ZNF555: variants seen among roughly 807,000 people sequenced by gnomAD.
ZNF555 encodes the protein zinc finger protein 555.
A neutral mutation model predicts 14.0 loss-of-function variants in ZNF555; 10 were observed. The observed-to-expected ratio is 0.72, with a 90% CI of 0.44 to 1.21. ZNF555 has a LOEUF of 1.21. ZNF555 is among the 50% of genes most tolerant of loss of function. ZNF555 has a pLI of 0.00. For synonymous variants in ZNF555, 277 were observed against 262.4 expected, an observed-to-expected ratio of 1.06 and a Z score of -0.54; for missense variants, 747 against 762.0, an observed-to-expected ratio of 0.98 and a Z score of 0.23.
intron 1 of ZNF555, among the ~76,000 whole-genome samples, chr19:2,842,709 G>A (rs1035723081): frequency 6.6e-6 from 1 of 152,162 alleles, no homozygotes. Context: ...GCAGTTTTTA[G>A]GAAGTGAAAC....
chr19:2,846,741 A>G (rs1307536087), intron 1 of ZNF555, among the ~76,000 whole-genome samples: 3 of 152,212 alleles, frequency 2.0e-5, no homozygotes, highest in Non-Finnish European at 4.4e-5. Flanking sequence ...CTGTGTTCCA[A>G]GATCAAGTTG....
intron 1 of ZNF555, among the ~76,000 whole-genome samples, chr19:2,848,512 G>A (rs1314807992): frequency 5.6e-5 from 8 of 144,094 alleles, no homozygotes; most frequent in Non-Finnish European, 7.6e-5. Context: ...GCAGTGGCAC[G>A]ATCTTGGCTC....
chr19:2,845,257 G>T (rs1489436525), intron 1 of ZNF555, among the ~76,000 whole-genome samples: 1 of 152,202 alleles, frequency 6.6e-6, no homozygotes, highest in Non-Finnish European at 1.5e-5. Flanking sequence ...TGAGGATAAT[G>T]GCCTCCAGCT....
In ZNF555 at chr19:2,858,128, A is replaced by T. The variant is rs910565964; in HGVS notation, c.*4176A>T. The T allele has an allele frequency of 1.3e-5, 2 of 152,292 alleles. No individual in the cohort carries two copies. The highest frequency in any genetic ancestry group is 2.9e-5 in the Non-Finnish European group (2 of 68,188). The allele number at this position is 152,292 out of a possible 1,614,324, so 9.4% of individuals were successfully genotyped here. On this transcript the variant is annotated 3_prime_UTR_variant, in exon 4 of 4. Coordinates refer to ENST00000334241, the MANE Select transcript of ZNF555 (RefSeq NM_152791.5). ...TCACTTGAGGCCTTGAGGAGCCATG[A>T]TCGTGCCACTGCACTCCAGCTTGGG...
chr19:2,851,967 A>G (rs1339805774), intron 3 of ZNF555, among the ~76,000 whole-genome samples: 1 of 152,138 alleles, frequency 6.6e-6, no homozygotes, highest in Non-Finnish European at 1.5e-5. Flanking sequence ...CCTGGCCAAC[A>G]TGGTGAAACC....
intron 1 of ZNF555, 109 bp downstream of exon 1, chr19:2,841,684 G>T: frequency 4.5e-6 from 6 of 1,328,960 alleles, no homozygotes; most frequent in Non-Finnish European, 5.8e-6. Flanking sequence ...CCCCGGCGAG[G>T]GCGGCGCAGG....
Position 2,859,790 on chromosome 19 carries a change from G to A in ZNF555, c.*5838G>A, listed in dbSNP as rs1230815203. 6.6e-6 allele frequency: 1 copy of A among 152,310 alleles called. No homozygotes were observed. Among genetic ancestry groups the A allele is most frequent in the Non-Finnish European group, 1.5e-5 (1 of 68,058 alleles). 9.4% of individuals were successfully genotyped at this position (152,310 alleles called of 1,614,324 possible). A position where few individuals can be genotyped will look rare whatever the true frequency, so the allele number is the denominator to read the frequency against. On this transcript the variant is annotated 3_prime_UTR_variant, in exon 4 of 4. Transcript: ENST00000334241. ...CGGGGGATCTCCTCCTTCCACAAGG[G>A]ATGGATGTGAAGACAACTCATTCTT...
intron 1 of ZNF555, among the ~76,000 whole-genome samples, chr19:2,846,302 C>T (rs976976071): frequency 4.6e-5 from 7 of 152,196 alleles, no homozygotes; most frequent in Non-Finnish European, 8.8e-5. Context: ...AGCAGCCAAC[C>T]TGAATTCAGA....
intron 1 of ZNF555, among the ~76,000 whole-genome samples, chr19:2,842,201 C>T (rs955209894): frequency 6.6e-6 from 1 of 152,286 alleles, no homozygotes; most frequent in African/African-American, 2.4e-5. Flanking sequence ...GCAAAGGCAG[C>T]CCCTGGGGCG....
chr19:2,849,136 C>G (rs994244280), intron 1 of ZNF555, among the ~76,000 whole-genome samples: 5 of 152,160 alleles, frequency 3.3e-5, no homozygotes, highest in African/African-American at 1.2e-4. Flanking sequence ...TAGGACTGTT[C>G]TAGCATCAGA....
At chr19:2,846,168 G>T (rs1421646801) in intron 1 of ZNF555, among the ~76,000 whole-genome samples, 1 of 152,220 alleles carries the variant, frequency 6.6e-6, no homozygotes, top group Non-Finnish European at 1.5e-5. Context: ...AGTTTTGCAT[G>T]TCTGTGATAC....
At position 2,846,863 on chromosome 19, in the gene ZNF555, A is replaced by G. The variant is rs930622533; in HGVS notation, c.4-3724A>G. Among the ~76,000 whole-genome samples, 53 of 152,348 alleles carry G rather than the reference A, an allele frequency of 3.5e-4. 1 individual carries two copies. The highest frequency in any genetic ancestry group is 2.1e-4 in the South Asian group (1 of 4,828). On this transcript the variant is annotated intron_variant, in intron 1 of 3. Transcript: ENST00000334241. ...CCATCAACTCTTGAGGTTGTCAGAA[A>G]TAGGTTTTCATAAGAGCGCATTAAC... is the stretch of plus-strand genomic sequence containing the variant.
Position 2,858,174 on chromosome 19 carries a change from AAAAAAT to A in ZNF555, c.*4234_*4239del, listed in dbSNP as rs1220092851. On this transcript the variant is annotated 3_prime_UTR_variant, in exon 4 of 4. Transcript: ENST00000334241. The stretch of plus-strand genomic sequence containing the variant: ...TTGGGTGACAGAGCAAGACTGTCTC[AAAAAAT>A]AAAAATAAAAAAACAAGACTTCCCC... 2 of 152,372 alleles carry A rather than the reference AAAAAAT, an allele frequency of 1.3e-5. No individual in the cohort carries two copies. Among genetic ancestry groups the A allele is most frequent in the Admixed American group, 1.3e-4 (2 of 15,278 alleles). The allele number at this position is 152,372 out of a possible 1,614,324, so 9.4% of individuals were successfully genotyped here.
intron 1 of ZNF555, 46 bp from the exon 2 acceptor site, chr19:2,850,541 C>A: frequency 6.2e-7 from 1 of 1,602,104 alleles, no homozygotes; most frequent in Non-Finnish European, 8.5e-7. Flanking sequence ...TGCTCCTGGG[C>A]TCTCGGTCTC....
chr19:2,852,762 T>C lies in ZNF555; in HGVS notation c.697T>C (p.Cys233Arg), dbSNP rs770948790. Residue 233 changes from cysteine (C) to arginine (R), a missense_variant, in exon 4 of 4, where the codon TGT becomes CGT. Physicochemically the swap from Cys to Arg is radical, Grantham distance 180. Transcript: ENST00000334241. ...TAEKTYECKQ[C>R]GKAFIDFSSL... The stretch of plus-strand genomic sequence containing the variant: ...TGAGAAAACCTACGAATGTAAGCAA[T>C]GTGGGAAAGCCTTTATTGACTTCTC... The C allele has an allele frequency of 1.9e-6, 3 of 1,614,162 alleles. No homozygotes were observed. In the South Asian group the frequency reaches 3.3e-5, roughly 18 times the overall value.
At position 2,857,928 on chromosome 19, in the gene ZNF555, C is replaced by G. The variant is rs1291384566; in HGVS notation, c.*3976C>G. The G allele has an allele frequency of 6.6e-6, 1 of 152,212 alleles. No homozygotes were observed. Among genetic ancestry groups the G allele is most frequent in the Non-Finnish European group, 1.5e-5 (1 of 68,054 alleles). 9.4% of individuals were successfully genotyped at this position (152,212 alleles called of 1,614,324 possible). On this transcript the variant is annotated 3_prime_UTR_variant, in exon 4 of 4. Coordinates refer to ENST00000334241, the MANE Select transcript of ZNF555 (RefSeq NM_152791.5). ...CCCTAGCTGGGCGCGGTGACTCATGCCTGTAATCTCAACATTTTGGGAGAC... is the reference window on the plus strand; with the variant it reads ...CCCTAGCTGGGCGCGGTGACTCATGGCTGTAATCTCAACATTTTGGGAGAC...
At chr19:2,851,414 CGTT>C in intron 2 of ZNF555, 51 bp from the exon 3 acceptor site, 1 of 1,458,332 alleles carries the variant, frequency 6.9e-7, no homozygotes, top group Non-Finnish European at 9.2e-7. Context: ...TCCTCAGTGT[CGTT>C]TTCCGCTAAC....
At position 2,852,811 on chromosome 19, in the gene ZNF555, G is replaced by A; in HGVS notation, c.746G>A (p.Ser249Asn). 1 of 1,614,122 alleles carries A rather than the reference G, an allele frequency of 6.2e-7. No homozygotes were observed. Among genetic ancestry groups the A allele is most frequent in the South Asian group, 1.1e-5 (1 of 91,084 alleles). ...DFSSLTSHLR[S>N]HTGEKPYKCK... is the part of the protein sequence containing the mutation. ...TCAAGTCTTACTAGTCATCTCAGAA[G>A]TCACACCGGAGAGAAGCCATATAAG... is the stretch of plus-strand genomic sequence containing the variant. Residue 249 changes from serine to asparagine, a missense_variant, in exon 4 of 4, where the codon AGT becomes AAT. By Grantham distance (46) the Ser-to-Asn change is conservative (BLOSUM62 1). Transcript: ENST00000334241.
Position 2,852,500 on chromosome 19 carries a change from C to T in ZNF555, c.435C>T (p.Tyr145=). ...KIPPGVKQYE[Y]NTYGKVFMHR... is the part of the protein sequence containing the mutation. ...CACCTGGAGTAAAACAGTATGAATA[C>T]AACACGTACGGAAAAGTCTTCATGC... The change falls in exon 4 of 4, where the codon TAC becomes TAT. Residue 145 remains tyrosine (Y), a synonymous_variant. Transcript: ENST00000334241. 6.2e-7 allele frequency: 1 copy of T among 1,614,016 alleles called. No homozygotes were observed. The highest frequency in any genetic ancestry group is 8.5e-7 in the Non-Finnish European group (1 of 1,180,026).
Sources: gnomAD v4.1 joint callset for allele counts (sites outside exome capture counted in the v4.1 genomes callset) on GRCh38, gnomAD v4.1.1 for gene constraint, MANE v1.5 for transcripts, NCBI Gene and HGNC (gene_info 2026-07-23, HGNC 2026-07-21) for gene names.